The following SCUBE1 variants were observed in gnomAD, a reference collection of about 807,000 sequenced individuals.
SCUBE1 encodes signal peptide, CUB and EGF-like domain-containing protein 1.
A neutral mutation model predicts 124.4 loss-of-function variants in SCUBE1; 59 were observed. That is an observed-to-expected ratio of 0.47 (90% CI 0.38 to 0.59). The LOEUF is 0.59. Ranked by LOEUF, SCUBE1 falls within the 20% of genes least tolerant of loss-of-function variation. The pLI, the probability that SCUBE1 is intolerant of heterozygous loss-of-function variation, is 0.00. For missense variants in SCUBE1, 1,150 were observed against 1,371.2 expected, an observed-to-expected ratio of 0.84 and a Z score of 2.55; for synonymous variants, 545 against 550.9, an observed-to-expected ratio of 0.99 and a Z score of 0.15.
At chr22:43,220,222 G>C (rs1922031085) in intron 14 of SCUBE1, among the ~76,000 whole-genome samples, 1 of 152,174 alleles carries the variant, frequency 6.6e-6, no homozygotes, top group Admixed American at 6.5e-5. Flanking sequence ...CGGCTCTTCT[G>C]TCTCATTGCC....
chr22:43,222,777 G>C, intron 11 of SCUBE1, 35 bp from the exon 12 acceptor site: 1 of 1,489,660 alleles, frequency 6.7e-7, no homozygotes, highest in South Asian at 1.2e-5. Context: ...TGGGCCTGGT[G>C]CTCCTCCCTC....
In SCUBE1 at chr22:43,223,640, G is replaced by A. The variant is rs192177285; in HGVS notation, c.1208-424C>T. 2.3e-4 allele frequency among the ~76,000 whole-genome samples: 35 copies of A among 152,320 alleles called. No homozygotes were observed. In the East Asian group the frequency reaches 5.8e-3, roughly 25 times the overall value. On this transcript the variant is annotated intron_variant, in intron 10 of 21. Transcript: ENST00000360835. ...CCTCTGCTACAGCCATCAGGTGTCT[G>A]GAGAAACAGCCCTCCAGAATTTCTC...
rs771168399 is a variant in SCUBE1, at chr22:43,229,193, G to A, written c.968-5C>T. Reference sequence around the variant, plus strand: ...CGAAGGAGCACTCGTCGATGTCTGCGTGGCCACAGGGAGACAAAGTTGGGG... The same window carrying A: ...CGAAGGAGCACTCGTCGATGTCTGCATGGCCACAGGGAGACAAAGTTGGGG... On this transcript the variant is annotated splice_region_variant and splice_polypyrimidine_tract_variant and intron_variant, in intron 8 of 21. Coordinates refer to ENST00000360835, the MANE Select transcript of SCUBE1 (RefSeq NM_173050.5). 7.5e-6 allele frequency: 12 copies of A among 1,601,068 alleles called. No homozygotes were observed. The highest frequency in any genetic ancestry group is 1.3e-5 in the African/African-American group (1 of 74,652).
In SCUBE1 at chr22:43,295,667, C is replaced by T. The variant is rs543562805; in HGVS notation, c.350-4487G>A. On this transcript the variant is annotated intron_variant, in intron 3 of 21. Transcript: ENST00000360835. ...CACAGCCCACCCATTCACCTCTGCC[C>T]GAGTGTGCATGCCACCCTCCTCCTG... 4.3e-4 allele frequency among the ~76,000 whole-genome samples: 66 copies of T among 152,326 alleles called. 2 individuals are homozygous for T. Among genetic ancestry groups the T allele is most frequent in the Admixed American group, 2.7e-3 (41 of 15,308 alleles).
At position 43,204,046 on chromosome 22, in the gene SCUBE1, A is replaced by G. The variant is rs1302362111; in HGVS notation, c.2918T>C (p.Ile973Thr). 1 of 1,614,112 alleles carries G rather than the reference A, an allele frequency of 6.2e-7. No homozygotes were observed. Among genetic ancestry groups the G allele is most frequent in the Admixed American group, 1.7e-5 (1 of 60,020 alleles). ...ESKEMFPRSF[I>T]KLLRSKVSRF... is the part of the protein sequence containing the mutation. The stretch of plus-strand genomic sequence containing the variant: ...AGACACTTTGGAGCGCAGCAGTTTG[A>G]TGAAGGACCGTGGGAACATCTCCTT... Residue 973 changes from isoleucine to threonine, a missense_variant, in exon 22 of 22, where the codon ATC (isoleucine) becomes ACC (threonine). This residue lies in a region of SCUBE1 where 757 missense variants were observed against 840.9 expected (regional missense o/e 0.90). Transcript: ENST00000360835.
At chr22:43,328,163 C>T (rs1316031402) in intron 2 of SCUBE1, among the ~76,000 whole-genome samples, 1 of 152,190 alleles carries the variant, frequency 6.6e-6, no homozygotes, top group African/African-American at 2.4e-5. Context: ...TATTTCCTTT[C>T]TCCCTCAAAA....
chr22:43,242,692 G>A (rs1257704458), intron 6 of SCUBE1, among the ~76,000 whole-genome samples: 2 of 152,218 alleles, frequency 1.3e-5, no homozygotes, highest in African/African-American at 2.4e-5. Context: ...GCTTTGTCCC[G>A]GGGAGCTAAA....
At chr22:43,331,373 A>G (rs1926897812) in intron 2 of SCUBE1, among the ~76,000 whole-genome samples, 1 of 152,192 alleles carries the variant, frequency 6.6e-6, no homozygotes, top group Non-Finnish European at 1.5e-5. Flanking sequence ...CCCAAACAAC[A>G]AAGTTATTTC....
intron 2 of SCUBE1, among the ~76,000 whole-genome samples, chr22:43,330,479 C>T (rs1389312575): frequency 6.6e-6 from 1 of 152,208 alleles, no homozygotes; most frequent in Non-Finnish European, 1.5e-5. Context: ...TTTCCACATC[C>T]TGTTATGATC....
Position 43,255,498 on chromosome 22 carries a change from C to T in SCUBE1, c.727+2721G>A. ...GAAGAAAAGTGTTACCCATGAGTAG[C>T]CGCCGTTTCACCCGCTTGTCCACAT... On this transcript the variant is annotated intron_variant, in intron 6 of 21. Coordinates refer to ENST00000360835, the MANE Select transcript of SCUBE1 (RefSeq NM_173050.5). The surrounding 1 kb of genome is among the most constrained non-coding windows in gnomAD (Gnocchi z 4.7). 1 of 1,550,544 alleles carries T rather than the reference C, an allele frequency of 6.4e-7. No homozygotes were observed. Among genetic ancestry groups the T allele is most frequent in the Non-Finnish European group, 8.7e-7 (1 of 1,146,964 alleles).
chr22:43,235,806 C>G (rs778569999), intron 7 of SCUBE1, among the ~76,000 whole-genome samples: 9 of 152,178 alleles, frequency 5.9e-5, no homozygotes, highest in Non-Finnish European at 1.2e-4. Context: ...AGGCCCAGAA[C>G]CCCCTTCCTC....
rs575034532 is a variant in SCUBE1 at position 43,210,813 on chromosome 22, G to A, written c.2383+109C>T. ...GAGCAGACGGGACGGAGCGGGAGGA[G>A]TCCAGTGTCCTCGTGGAGCTCGTGT... On this transcript the variant is annotated intron_variant, in intron 18 of 21. Coordinates refer to ENST00000360835, the MANE Select transcript of SCUBE1 (RefSeq NM_173050.5). This position sits in a 1 kb window ranked among gnomAD's most constrained non-coding sequence, Gnocchi z 4.5. The A allele has an allele frequency of 1.5e-6, 2 of 1,316,898 alleles. No homozygotes were observed. Among genetic ancestry groups the A allele is most frequent in the Non-Finnish European group, 1.1e-6 (1 of 932,166 alleles). 81.6% of individuals were successfully genotyped at this position (1,316,898 alleles called of 1,614,324 possible).
At chr22:43,270,127 A>G (rs531115611) in intron 4 of SCUBE1, 2 of 152,396 alleles carry the variant, frequency 1.3e-5, no homozygotes, top group South Asian at 2.1e-4. Context: ...AATTCTACAC[A>G]TAAGTACTTC....
At position 43,281,484 on chromosome 22, in the gene SCUBE1, C is replaced by CAG. The variant is rs1569010774; in HGVS notation, c.484+9561_484+9562insCT. 1.6e-3 allele frequency among the ~76,000 whole-genome samples: 164 copies of CAG among 100,110 alleles called. 5 individuals are homozygous for CAG. The highest frequency in any genetic ancestry group is 5.8e-3 in the African/African-American group (83 of 14,284). The allele number at this position is 100,110 out of a possible 152,430, so 65.7% of individuals were successfully genotyped here. ...TCAGCCACCCTCCTGTCACCTCCCT[C>CAG]TTTGGCCACCCTCCTGTCACCTCCT... On this transcript the variant is annotated intron_variant, in intron 4 of 21. Coordinates refer to ENST00000360835, the MANE Select transcript of SCUBE1 (RefSeq NM_173050.5).
intron 4 of SCUBE1, among the ~76,000 whole-genome samples, chr22:43,271,483 G>A (rs1402952915): frequency 6.6e-6 from 1 of 152,170 alleles, no homozygotes; most frequent in Non-Finnish European, 1.5e-5. Flanking sequence ...GACAACGGTG[G>A]TATGCTTGTC....
intron 16 of SCUBE1, 39 bp downstream of exon 16, chr22:43,214,051 A>ACCCC: frequency 1.5e-5 from 2 of 137,782 alleles, no homozygotes; most frequent in Non-Finnish European, 1.4e-5. Flanking sequence ...GCCCCCGCCC[A>ACCCC]CCCCCCACCC....
chr22:43,327,779 T>A (rs1448851096), intron 2 of SCUBE1, among the ~76,000 whole-genome samples: 3 of 152,144 alleles, frequency 2.0e-5, no homozygotes, highest in African/African-American at 7.2e-5. Flanking sequence ...AGAGCAAGAC[T>A]CTGTCTCAAA....
At chr22:43,228,812 C>A (rs1922431389) in intron 9 of SCUBE1, among the ~76,000 whole-genome samples, 2 of 152,252 alleles carry the variant, frequency 1.3e-5, no homozygotes, top group Admixed American at 1.3e-4. Flanking sequence ...GGGTTTCCAG[C>A]CCCGTGCCCA....
At position 43,200,605 on chromosome 22, in the gene SCUBE1, T is replaced by C. The variant is rs1569492114; in HGVS notation, c.*3392A>G. On this transcript the variant is annotated 3_prime_UTR_variant, in exon 22 of 22. Transcript: ENST00000360835. The stretch of plus-strand genomic sequence containing the variant: ...CCGCCCTGAGGCCCAGGGTCAGCTG[T>C]AGTTTAACGGGGGACCCCCAAGTTC... 1 of 152,332 alleles carries C rather than the reference T, an allele frequency of 6.6e-6. No individual in the cohort carries two copies. The highest frequency in any genetic ancestry group is 2.4e-5 in the African/African-American group (1 of 41,478). 9.4% of individuals were successfully genotyped at this position (152,332 alleles called of 1,614,324 possible).
Sources: gnomAD v4.1 joint callset for allele counts (sites outside exome capture counted in the v4.1 genomes callset) on GRCh38, gnomAD v4.1.1 for gene constraint, gnomAD v4.1.1 regional missense constraint, Gnocchi (gnomAD v3.1) non-coding constraint, MANE v1.5 for transcripts, NCBI Gene and HGNC (gene_info 2026-07-23, HGNC 2026-07-21) for gene names.